TSPEAR: variants seen among roughly 807,000 people sequenced by gnomAD.
The protein encoded by TSPEAR is thrombospondin type laminin G domain and EAR repeats, also known as thrombospondin-type laminin G domain and EAR repeat-containing protein.
TSPEAR carries 69 observed loss-of-function variants against 71.6 expected under a neutral mutation model. The ratio of observed to expected loss-of-function variants is 0.96; its 90% CI spans 0.79 to 1.18. The LOEUF is 1.18. Ranked by LOEUF, TSPEAR falls within the 50% of genes most tolerant of loss-of-function variation. The probability of loss-of-function intolerance (pLI) is 0.00; values close to 1 mark genes in which losing one functional copy is unlikely to be tolerated. For missense variants in TSPEAR, 971 were observed against 894.9 expected (o/e 1.09, Z -1.09); for synonymous variants, 402 against 387.2 (o/e 1.04, Z -0.45).
At chr21:44,706,502 G>A (rs743499) in intron 1 of TSPEAR, among the ~76,000 whole-genome samples, 44,027 of 150,672 alleles carry the variant, frequency 0.29, 6,635 homozygotes, top group South Asian at 0.43. Context: ...CGCACACACC[G>A]CTGTCCCCAG....
chr21:44,503,611 C>A (rs1396994256), intron 11 of TSPEAR, among the ~76,000 whole-genome samples: 1 of 136,068 alleles, frequency 7.3e-6, no homozygotes, highest in Admixed American at 7.3e-5. Flanking sequence ...GGAAGCAAGG[C>A]GCTGGGAGGA....
intron 1 of TSPEAR, among the ~76,000 whole-genome samples, chr21:44,691,062 C>T (rs1555949683): frequency 6.6e-6 from 1 of 151,936 alleles, no homozygotes; most frequent in East Asian, 1.9e-4. Flanking sequence ...TCCTCCCCTC[C>T]CTTCCCTTCA....
rs2053116774 is a variant in TSPEAR, at chr21:44,537,927, G to T, written c.304-4004C>A. On this transcript the variant is annotated intron_variant, in intron 2 of 11. Transcript: ENST00000323084. ...AGCAGCCGTCAGTGCGGAGGGCAGGGAGCTGAGAGCAGATCAGGCTGAGCC... is the reference window on the plus strand; with the variant it reads ...AGCAGCCGTCAGTGCGGAGGGCAGGTAGCTGAGAGCAGATCAGGCTGAGCC... Among the ~76,000 whole-genome samples, 5 of 152,234 alleles carry T rather than the reference G, an allele frequency of 3.3e-5. No homozygotes were observed. In the South Asian group the frequency reaches 1.0e-3, roughly 32 times the overall value.
At chr21:44,572,440 C>T (rs2053816365) in intron 1 of TSPEAR, among the ~76,000 whole-genome samples, 1 of 152,076 alleles carries the variant, frequency 6.6e-6, no homozygotes, top group Non-Finnish European at 1.5e-5. Flanking sequence ...AGCCACTATT[C>T]CCTAAAACCA....
At chr21:44,500,364 G>A (rs1279639262) in intron 11 of TSPEAR, among the ~76,000 whole-genome samples, 1 of 152,194 alleles carries the variant, frequency 6.6e-6, no homozygotes, top group African/African-American at 2.4e-5. Context: ...CTGCTCTGCG[G>A]CCCCACGTCA....
At chr21:44,516,144 A>C (rs943570672) in intron 9 of TSPEAR, 1 of 152,246 alleles carries the variant, frequency 6.6e-6, no homozygotes, top group Non-Finnish European at 1.5e-5. Context: ...GCAGCCACAG[A>C]CCACCTTCCA....
At chr21:44,554,398 C>G (rs969442185) in intron 2 of TSPEAR, among the ~76,000 whole-genome samples, 1 of 152,120 alleles carries the variant, frequency 6.6e-6, no homozygotes, top group Non-Finnish European at 1.5e-5. Flanking sequence ...TATAGCAGCC[C>G]CAACTGACTG....
intron 2 of TSPEAR, among the ~76,000 whole-genome samples, chr21:44,559,301 C>A (rs1217867274): frequency 1.3e-5 from 2 of 152,188 alleles, no homozygotes; most frequent in Non-Finnish European, 2.9e-5. Context: ...AACCATGGGG[C>A]ATATTTCTGC....
At chr21:44,647,270 C>A in intron 1 of TSPEAR, 1 of 1,602,482 alleles carries the variant, frequency 6.2e-7, no homozygotes, top group Non-Finnish European at 8.5e-7. Context: ...TGCCGCCCGG[C>A]CTCCTGCGTG....
chr21:44,705,580 G>T (rs1374568683), intron 1 of TSPEAR, among the ~76,000 whole-genome samples: 1 of 152,214 alleles, frequency 6.6e-6, no homozygotes, highest in African/African-American at 2.4e-5. Flanking sequence ...CCCCCCCGGG[G>T]CGTACCTGTC....
intron 7 of TSPEAR, 112 bp from the exon 8 acceptor site, chr21:44,525,951 T>C (rs1403916708): frequency 2.7e-6 from 3 of 1,123,754 alleles, no homozygotes; most frequent in Non-Finnish European, 3.9e-6. Context: ...GGCTGCTACG[T>C]GGTGCAGGGA....
chr21:44,589,118 C>A (rs1305247563), intron 1 of TSPEAR, among the ~76,000 whole-genome samples: 1 of 152,034 alleles, frequency 6.6e-6, no homozygotes, highest in African/African-American at 2.4e-5. Flanking sequence ...ATCCATGTAA[C>A]CAAACACCAC....
rs2052708483 is a variant in TSPEAR, at chr21:44,520,317, C to T, written c.1566+1566G>A. The T allele has an allele frequency of 6.6e-6, 1 of 151,956 alleles. No homozygotes were observed. The highest frequency in any genetic ancestry group is 1.5e-5 in the Non-Finnish European group (1 of 67,950). 9.4% of individuals were successfully genotyped at this position (151,956 alleles called of 1,614,324 possible). On this transcript the variant is annotated intron_variant, in intron 9 of 11. Coordinates refer to ENST00000323084, the MANE Select transcript of TSPEAR (RefSeq NM_144991.3). This position sits in a 1 kb window ranked among gnomAD's most constrained non-coding sequence, Gnocchi z 4.2. ...CCCAGCCCCACTGCCCTGCAGGTAC[C>T]CTCCCAACTTTCCCAGCCCTCACTT... is the stretch of plus-strand genomic sequence containing the variant.
intron 1 of TSPEAR, chr21:44,675,886 A>C: frequency 1.4e-6 from 1 of 725,378 alleles, no homozygotes; most frequent in South Asian, 1.5e-5. Context: ...GCTGTACTTG[A>C]GTGGTTCTTG....
At chr21:44,636,858 G>A (rs1983602225) in intron 1 of TSPEAR, among the ~76,000 whole-genome samples, 1 of 152,216 alleles carries the variant, frequency 6.6e-6, no homozygotes, top group African/African-American at 2.4e-5. Flanking sequence ...CTCAGAGGAG[G>A]GGAGGTCCTC....
intron 1 of TSPEAR, chr21:44,682,257 C>A: frequency 1.9e-6 from 2 of 1,067,576 alleles, no homozygotes; most frequent in Non-Finnish European, 2.7e-6. Context: ...CCTTGTTTTT[C>A]TTCCTCAAGG....
intron 1 of TSPEAR, among the ~76,000 whole-genome samples, chr21:44,639,015 T>C (rs192322031): frequency 6.6e-6 from 1 of 152,212 alleles, no homozygotes; most frequent in East Asian, 1.9e-4. Context: ...CCAGTATTCA[T>C]GGGGTTCTGG....
chr21:44,601,324 A>G, intron 1 of TSPEAR: 1 of 1,607,366 alleles, frequency 6.2e-7, no homozygotes, highest in Non-Finnish European at 8.5e-7. Flanking sequence ...TGTCTGCTGC[A>G]AGCCCGTCTG....
intron 1 of TSPEAR, among the ~76,000 whole-genome samples, chr21:44,588,736 GTA>G (rs1569203714): frequency 7.2e-5 from 4 of 55,674 alleles, no homozygotes; most frequent in African/African-American, 1.4e-4. Flanking sequence ...GTGTATATAT[GTA>G]TATATATGTT....
Sources: allele counts gnomAD v4.1 joint callset (sites outside exome capture counted in the v4.1 genomes callset), GRCh38; gene constraint gnomAD v4.1.1; non-coding constraint Gnocchi (gnomAD v3.1); transcripts MANE v1.5; gene names NCBI Gene and HGNC (gene_info 2026-07-23, HGNC 2026-07-21).